Variants in ATP11A observed in about 807,000 individuals in gnomAD.
The protein encoded by ATP11A is ATPase phospholipid transporting 11A, also known as phospholipid-transporting ATPase IH.
In ATP11A, 81 loss-of-function variants were observed where a neutral mutation model predicts 154.4. The observed-to-expected ratio is 0.52, with a 90% CI of 0.44 to 0.63. The LOEUF (loss-of-function observed/expected upper bound fraction) is 0.63. Ranked by LOEUF, ATP11A falls within the 30% of genes least tolerant of loss-of-function variation. The pLI, the probability that ATP11A is intolerant of heterozygous loss-of-function variation, is 0.00. For missense variants in ATP11A, 1,316 were observed against 1,474.3 expected, an observed-to-expected ratio of 0.89 and a Z score of 1.76; for synonymous variants, 623 against 585.9, an observed-to-expected ratio of 1.06 and a Z score of -0.91.
intron 1 of ATP11A, among the ~76,000 whole-genome samples, chr13:112,743,219 T>G (rs913000338): frequency 6.6e-6 from 1 of 152,222 alleles, no homozygotes; most frequent in African/African-American, 2.4e-5. Flanking sequence ...AAACGTGTAT[T>G]TTCACCATCG....
intron 16 of ATP11A, among the ~76,000 whole-genome samples, chr13:112,837,999 C>G (rs2079286923): frequency 6.6e-6 from 1 of 152,102 alleles, no homozygotes; most frequent in South Asian, 2.1e-4. Context: ...ACAGCATCAC[C>G]TCTGAGACAC....
At chr13:112,817,291 T>A (rs958814464) in intron 6 of ATP11A, among the ~76,000 whole-genome samples, 7 of 152,182 alleles carry the variant, frequency 4.6e-5, no homozygotes, top group Admixed American at 2.0e-4. Context: ...ATAGAGACAT[T>A]TTCTTTACAA....
chr13:112,761,580 G>A (rs572345125), intron 1 of ATP11A, among the ~76,000 whole-genome samples: 189 of 149,700 alleles, frequency 1.3e-3, no homozygotes, highest in African/African-American at 4.4e-3. Flanking sequence ...CACCCCTGAG[G>A]ATAAAGGGGA....
At chr13:112,784,672 A>G (rs1167876483) in intron 1 of ATP11A, among the ~76,000 whole-genome samples, 3 of 151,738 alleles carry the variant, frequency 2.0e-5, no homozygotes, top group East Asian at 1.9e-4. Flanking sequence ...ACAGGCGCCC[A>G]CCACCACACC....
Position 112,837,790 on chromosome 13 carries a change from G to A in ATP11A, c.1705+1539G>A, listed in dbSNP as rs113356198. 8.9e-3 allele frequency among the ~76,000 whole-genome samples: 1,355 copies of A among 152,082 alleles called. 24 individuals are homozygous for A. Among genetic ancestry groups the A allele is most frequent in the African/African-American group, 0.03 (1,252 of 41,478 alleles). ...TCATCAGTGCCGTCGGGCACCCTTC[G>A]GATCAGGACCATGGTGCCTCACTTC... On this transcript the variant is annotated intron_variant, in intron 16 of 29. Coordinates refer to ENST00000375645, the MANE Select transcript of ATP11A (RefSeq NM_015205.3).
At chr13:112,874,315 C>T (rs751775774) in intron 27 of ATP11A, among the ~76,000 whole-genome samples, 4 of 152,214 alleles carry the variant, frequency 2.6e-5, no homozygotes, top group African/African-American at 4.8e-5. Context: ...ATGGTGGCCT[C>T]CTGGACCGCC....
At chr13:112,866,247 TC>T (rs2080327976) in intron 25 of ATP11A, among the ~76,000 whole-genome samples, 1 of 152,202 alleles carries the variant, frequency 6.6e-6, no homozygotes, top group African/African-American at 2.4e-5. Context: ...GAAAATATTT[TC>T]AAACGTGAAT....
At chr13:112,770,732 AC>A (rs1406171155) in intron 1 of ATP11A, among the ~76,000 whole-genome samples, 1 of 152,200 alleles carries the variant, frequency 6.6e-6, no homozygotes, top group Non-Finnish European at 1.5e-5. Flanking sequence ...CCACTGAGAG[AC>A]GGGGGAGGCA....
chr13:112,790,590 G>C (rs527626112), intron 2 of ATP11A, among the ~76,000 whole-genome samples: 3 of 148,082 alleles, frequency 2.0e-5, no homozygotes, highest in Admixed American at 2.0e-4. Context: ...AATTCACACC[G>C]GGTGTCCTGA....
At chr13:112,880,285 C>G (rs1229785095) in intron 29 of ATP11A, 1 of 163,866 alleles carries the variant, frequency 6.1e-6, no homozygotes, top group Non-Finnish European at 1.3e-5. Context: ...CTGCCTCCCG[C>G]GGGTGCATGG....
rs114995830 is a variant in ATP11A, at chr13:112,780,655, A to G, written c.40-4480A>G. Reference sequence around the variant, plus strand: ...GTTTCCTTTGGTCGGTTTGTGTCCTATGGTCAGTCACATCAGCACAGGGTA... The same window carrying G: ...GTTTCCTTTGGTCGGTTTGTGTCCTGTGGTCAGTCACATCAGCACAGGGTA... On this transcript the variant is annotated intron_variant, in intron 1 of 29. Coordinates refer to ENST00000375645, the MANE Select transcript of ATP11A (RefSeq NM_015205.3). Among the ~76,000 whole-genome samples, 1,360 of 152,210 alleles carry G rather than the reference A, an allele frequency of 8.9e-3. 28 individuals are homozygous for G. Among genetic ancestry groups the G allele is most frequent in the African/African-American group, 0.03 (1,240 of 41,522 alleles).
chr13:112,700,136 C>A (rs1254402567), intron 1 of ATP11A, among the ~76,000 whole-genome samples: 3 of 148,848 alleles, frequency 2.0e-5, no homozygotes, highest in Admixed American at 1.3e-4. Context: ...AGGTTTGTTA[C>A]ATGTGAAAAA....
chr13:112,758,430 TC>T (rs2076891963), intron 1 of ATP11A, among the ~76,000 whole-genome samples: 1 of 149,652 alleles, frequency 6.7e-6, no homozygotes, highest in Non-Finnish European at 1.5e-5. Flanking sequence ...TTCTTTTTTT[TC>T]TTTTTTTTTT....
intron 1 of ATP11A, among the ~76,000 whole-genome samples, chr13:112,784,127 C>T (rs2140022446): frequency 6.6e-6 from 1 of 152,348 alleles, no homozygotes; most frequent in Admixed American, 6.5e-5. Context: ...ACTGCCCCTG[C>T]AGAGCGGGGC....
chr13:112,788,869 C>T (rs1244631544), intron 2 of ATP11A, among the ~76,000 whole-genome samples: 1 of 151,104 alleles, frequency 6.6e-6, no homozygotes, highest in Non-Finnish European at 1.5e-5. Flanking sequence ...CACCCGGCAT[C>T]CTGACGTGTA....
intron 2 of ATP11A, among the ~76,000 whole-genome samples, chr13:112,788,262 T>C (rs746305814): frequency 8.6e-5 from 13 of 151,416 alleles, no homozygotes; most frequent in Non-Finnish European, 1.8e-4. Context: ...GGAGACCTAC[T>C]TAATTCACAC....
intron 15 of ATP11A, 48 bp downstream of exon 15, chr13:112,834,708 AGTGT>A: frequency 6.9e-6 from 10 of 1,454,874 alleles, no homozygotes; most frequent in Non-Finnish European, 8.7e-6. Flanking sequence ...ACGAATAAAG[AGTGT>A]TCTTTATAAG....
intron 1 of ATP11A, among the ~76,000 whole-genome samples, chr13:112,726,247 A>T (rs975789129): frequency 6.1e-5 from 9 of 147,218 alleles, no homozygotes; most frequent in African/African-American, 2.3e-4. Context: ...GGGAGGAAGC[A>T]CGTGCGTGCA....
intron 1 of ATP11A, among the ~76,000 whole-genome samples, chr13:112,779,329 TGAG>T (rs1429982586): frequency 4.4e-4 from 37 of 84,834 alleles, no homozygotes; most frequent in African/African-American, 1.4e-3. Flanking sequence ...GCCGCTGGAG[TGAG>T]GAGTAGCCGC....
Sources: allele counts gnomAD v4.1 joint callset (sites outside exome capture counted in the v4.1 genomes callset), GRCh38; gene constraint gnomAD v4.1.1; transcripts MANE v1.5; gene names NCBI Gene and HGNC (gene_info 2026-07-23, HGNC 2026-07-21).